MAP9: variants seen among roughly 807,000 people sequenced by gnomAD.
The protein encoded by MAP9 is microtubule-associated protein 9.
In MAP9, 80 loss-of-function variants were observed where a neutral mutation model predicts 75.2. The observed-to-expected ratio is 1.06, with a 90% CI of 0.89 to 1.28. The LOEUF is 1.28. Ranked by LOEUF, MAP9 falls within the 50% of genes most tolerant of loss-of-function variation. MAP9 has a pLI of 0.00. For missense variants in MAP9, 753 were observed against 719.9 expected, an observed-to-expected ratio of 1.05 and a Z score of -0.53; for synonymous variants, 235 against 237.3, an observed-to-expected ratio of 0.99 and a Z score of 0.09.
In MAP9 at chr4:155,342,735, T is replaced by A. The variant is rs1278676763; in HGVS notation, c.*5048A>T. The A allele has an allele frequency of 6.6e-6, 1 of 152,064 alleles. No individual in the cohort carries two copies. Among genetic ancestry groups the A allele is most frequent in the Non-Finnish European group, 1.5e-5 (1 of 67,974 alleles). 9.4% of individuals were successfully genotyped at this position (152,064 alleles called of 1,614,324 possible). On this transcript the variant is annotated 3_prime_UTR_variant, in exon 14 of 14. Coordinates refer to ENST00000311277, the MANE Select transcript of MAP9 (RefSeq NM_001039580.2). ...AAGTGACCCGTGACATCTTTTTTAA[T>A]CTTGCACACGCACTGCAGCAAGGTT...
chr4:155,352,855 A>C, intron 12 of MAP9, 57 bp downstream of exon 12: 1 of 1,442,306 alleles, frequency 6.9e-7, no homozygotes, highest in South Asian at 1.3e-5. Flanking sequence ...ATTTTATAAA[A>C]TCCTGAAGTG....
chr4:155,366,908 GAA>G (rs1370983819), intron 5 of MAP9, among the ~76,000 whole-genome samples: 2 of 152,054 alleles, frequency 1.3e-5, no homozygotes, highest in African/African-American at 2.4e-5. Flanking sequence ...ATAAAATGAA[GAA>G]AAGACACTCC....
intron 13 of MAP9, chr4:155,350,222 G>A (rs750810888): frequency 6.6e-6 from 3 of 452,110 alleles, no homozygotes; most frequent in Non-Finnish European, 4.4e-6. Flanking sequence ...CTATACAGGG[G>A]CAATTTTTCT....
chr4:155,376,266 G>C (rs1052283346), intron 1 of MAP9: 3 of 154,042 alleles, frequency 1.9e-5, no homozygotes, highest in African/African-American at 7.2e-5. Context: ...TATTTAAAAG[G>C]CCATCAAAAG....
chr4:155,357,511 A>C lies in MAP9; in HGVS notation c.1059T>G (p.Ile353Met). The change falls in exon 8 of 14, where the codon ATT becomes ATG. Residue 353 changes from isoleucine (I) to methionine (M), a missense_variant. Transcript: ENST00000311277. ...TSATASSKKT[I>M]EDRNIKNKKS... ...TTTTATTCTTTATATTTCTATCTTC[A>C]ATTGTTTTCTATTAAACAGAAAATG... is the stretch of plus-strand genomic sequence containing the variant. The C allele has an allele frequency of 1.3e-6, 2 of 1,514,512 alleles. No homozygotes were observed. The highest frequency in any genetic ancestry group is 1.8e-6 in the Non-Finnish European group (2 of 1,091,612). 93.8% of individuals were successfully genotyped at this position (1,514,512 alleles called of 1,614,324 possible). A position where few individuals can be genotyped will look rare whatever the true frequency, so the allele number is the denominator to read the frequency against.
chr4:155,369,572 A>T (rs1396335747), intron 4 of MAP9, among the ~76,000 whole-genome samples: 1 of 152,164 alleles, frequency 6.6e-6, no homozygotes, highest in Non-Finnish European at 1.5e-5. Context: ...ACACGTTACT[A>T]AACCTCATAA....
At chr4:155,371,460 G>A (rs766861612) in intron 4 of MAP9, among the ~76,000 whole-genome samples, 47 of 151,610 alleles carry the variant, frequency 3.1e-4, no homozygotes, top group Admixed American at 7.2e-4. Context: ...ACCTGAGAAT[G>A]ACAACTTTAA....
At chr4:155,373,529 A>T (rs1732700677) in intron 3 of MAP9, 73 bp from the exon 4 acceptor site, 2 of 1,014,828 alleles carry the variant, frequency 2.0e-6, no homozygotes, top group African/African-American at 1.6e-5. Flanking sequence ...ACTTAATCAA[A>T]GTTTACCTTA....
At position 155,347,837 on chromosome 4, in the gene MAP9, C is replaced by A. The variant is rs779158304; in HGVS notation, c.1890G>T (p.Glu630Asp). The change falls in exon 14 of 14, where the codon GAG becomes GAT. Residue 630 changes from glutamate (E) to aspartate (D), a missense_variant. Coordinates refer to ENST00000311277, the MANE Select transcript of MAP9 (RefSeq NM_001039580.2). ...TTGGAGGGCTCCACGGAGGAAGTGC[C>A]TCACTTTCAAGAAAGGAATGACGTT... ...QKKRHSFLES[E>D]ALPPWSPPSR... 1.2e-6 allele frequency: 2 copies of A among 1,608,386 alleles called. No homozygotes were observed. The highest frequency in any genetic ancestry group is 1.7e-6 in the Non-Finnish European group (2 of 1,176,320).
chr4:155,368,531 G>C, intron 5 of MAP9, 55 bp downstream of exon 5: 1 of 1,374,964 alleles, frequency 7.3e-7, no homozygotes, highest in Non-Finnish European at 1.0e-6. Flanking sequence ...TTCATAATCA[G>C]ATAAAAAAGC....
Position 155,347,860 on chromosome 4 carries a change from G to A in MAP9, c.1867C>T (p.Arg623Cys), listed in dbSNP as rs747141635. Residue 623 changes from arginine (R) to cysteine (C), a missense_variant, in exon 14 of 14, where the codon CGT (arginine) becomes TGT (cysteine). Coordinates refer to ENST00000311277, the MANE Select transcript of MAP9 (RefSeq NM_001039580.2). ...QERIERKQKK[R>C]HSFLESEALP... Reference sequence around the variant, plus strand: ...GCCTCACTTTCAAGAAAGGAATGACGTTTCTTCTGTTTTCGTTCAATTCTT... The same window carrying A: ...GCCTCACTTTCAAGAAAGGAATGACATTTCTTCTGTTTTCGTTCAATTCTT... The A allele has an allele frequency of 5.0e-6, 8 of 1,587,418 alleles. No individual in the cohort carries two copies. The highest frequency in any genetic ancestry group is 4.6e-5 in the East Asian group (2 of 43,940).
intron 13 of MAP9, among the ~76,000 whole-genome samples, chr4:155,348,649 G>A (rs1731374031): frequency 6.6e-6 from 1 of 151,912 alleles, no homozygotes; most frequent in Non-Finnish European, 1.5e-5. Flanking sequence ...CTTTATTATT[G>A]AACTTGAGCA....
intron 7 of MAP9, among the ~76,000 whole-genome samples, chr4:155,359,776 TA>T (rs1359282231): frequency 6.6e-6 from 1 of 152,104 alleles, no homozygotes; most frequent in East Asian, 1.9e-4. Flanking sequence ...AGATTTTTGT[TA>T]AAATTGTTAA....
Position 155,373,423 on chromosome 4 carries a change from TCTG to T in MAP9, c.191_193del (p.Ala64del). 6.3e-7 allele frequency: 1 copy of T among 1,583,130 alleles called. No individual in the cohort carries two copies. Reference sequence around the variant, plus strand: ...CATTTTTTTATTAACTGAATTTTCATCTGCTGAAGTGTCAGAAAAATCACCTAA... The same window carrying T: ...CATTTTTTTATTAACTGAATTTTCATCTGAAGTGTCAGAAAAATCACCTAA... On this transcript the variant is annotated inframe_deletion, in exon 4 of 14. Coordinates refer to ENST00000311277, the MANE Select transcript of MAP9 (RefSeq NM_001039580.2).
At chr4:155,351,588 C>T (rs2111190137) in intron 13 of MAP9, among the ~76,000 whole-genome samples, 1 of 151,648 alleles carries the variant, frequency 6.6e-6, no homozygotes, top group Admixed American at 6.6e-5. Context: ...AGGCTAATTT[C>T]CCCAGTACAA....
At chr4:155,375,211 TCA>T (rs1732786056) in intron 2 of MAP9, among the ~76,000 whole-genome samples, 190 bp from the exon 3 acceptor site, 3 of 152,176 alleles carry the variant, frequency 2.0e-5, no homozygotes, top group African/African-American at 7.2e-5. Context: ...ATGCAGAGCA[TCA>T]CAGACAAGAG....
At chr4:155,361,564 C>CATG (rs2111238663) in intron 6 of MAP9, among the ~76,000 whole-genome samples, 1 of 152,066 alleles carries the variant, frequency 6.6e-6, no homozygotes, top group Non-Finnish European at 1.5e-5. Flanking sequence ...CTTACAACAC[C>CATG]CTATAAGGCA....
At chr4:155,359,856 T>G (rs1324997141) in intron 7 of MAP9, among the ~76,000 whole-genome samples, 1 of 152,116 alleles carries the variant, frequency 6.6e-6, no homozygotes, top group South Asian at 2.1e-4. Flanking sequence ...CAGACAGTTA[T>G]ATTTTTAAAA....
rs769879016 is a variant in MAP9, at chr4:155,355,179, G to C, written c.1291-19C>G. 1.2e-6 allele frequency: 1 copy of C among 845,436 alleles called. No individual in the cohort carries two copies. The highest frequency in any genetic ancestry group is 1.8e-6 in the Non-Finnish European group (1 of 569,310). The allele number at this position is 845,436 out of a possible 1,614,324, so 52.4% of individuals were successfully genotyped here. A position where few individuals can be genotyped will look rare whatever the true frequency, so the allele number is the denominator to read the frequency against. On this transcript the variant is annotated intron_variant, in intron 9 of 13. Coordinates refer to ENST00000311277, the MANE Select transcript of MAP9 (RefSeq NM_001039580.2). Reference sequence around the variant, plus strand: ...ACCACTCCTATAAGAACAAGAAAAAGGTCATATAATATTTAAAATTTCTTA... The same window carrying C: ...ACCACTCCTATAAGAACAAGAAAAACGTCATATAATATTTAAAATTTCTTA...
Sources: allele counts gnomAD v4.1 joint callset (sites outside exome capture counted in the v4.1 genomes callset), GRCh38; gene constraint gnomAD v4.1.1; transcripts MANE v1.5; gene names NCBI Gene and HGNC (gene_info 2026-07-23, HGNC 2026-07-21).